MLLT3: variants seen among roughly 807,000 people sequenced by gnomAD.
The protein encoded by MLLT3 is MLLT3 super elongation complex subunit.
Under a neutral mutation model 53.2 loss-of-function variants are expected in MLLT3, and 4 were observed. The observed-to-expected ratio is 0.08, with a 90% CI of 0.04 to 0.17. The LOEUF is 0.17. Among genes scored for constraint, MLLT3 ranks in the 10% least tolerant of loss-of-function variants. The pLI is 1.00. For missense variants in MLLT3, 569 were observed against 684.0 expected (o/e 0.83, Z 1.87); for synonymous variants, 283 against 230.6 (o/e 1.23, Z -2.06).
At chr9:20,379,460 T>C (rs558672889) in intron 5 of MLLT3, among the ~76,000 whole-genome samples, 1 of 152,064 alleles carries the variant, frequency 6.6e-6, no homozygotes, top group Non-Finnish European at 1.5e-5. Flanking sequence ...GGATTCATCA[T>C]CTTGAATTTT....
chr9:20,346,434 G>A lies in MLLT3; in HGVS notation c.*9C>T. On this transcript the variant is annotated 3_prime_UTR_variant, in exon 11 of 11. Transcript: ENST00000380338. ...ACAATAGTTCTTGATGCATCCAGTTGTTATATCCTCAGGATGTTCCAGATG... is the reference window on the plus strand; with the variant it reads ...ACAATAGTTCTTGATGCATCCAGTTATTATATCCTCAGGATGTTCCAGATG... 3 of 1,589,714 alleles carry A rather than the reference G, an allele frequency of 1.9e-6. No individual in the cohort carries two copies. The highest frequency in any genetic ancestry group is 2.6e-6 in the Non-Finnish European group (3 of 1,167,098).
At chr9:20,404,954 G>A (rs1186948989) in intron 5 of MLLT3, among the ~76,000 whole-genome samples, 6 of 152,018 alleles carry the variant, frequency 3.9e-5, no homozygotes, top group Non-Finnish European at 5.9e-5. Flanking sequence ...GATCCTCCAT[G>A]AGCGCAACCT....
chr9:20,448,299 G>GA lies in MLLT3; in HGVS notation c.277-34dup. On this transcript the variant is annotated intron_variant, in intron 3 of 10. Transcript: ENST00000380338. This position sits in a 1 kb window ranked among gnomAD's most constrained non-coding sequence, Gnocchi z 4.0. ...TTAACAAAAATTATGAAAGAAAAAA[G>GA]AGAGTGAGGCATAAGTGAAATTTTA... is the stretch of plus-strand genomic sequence containing the variant. The GA allele has an allele frequency of 6.2e-7, 1 of 1,604,712 alleles. No individual in the cohort carries two copies. The highest frequency in any genetic ancestry group is 1.1e-5 in the South Asian group (1 of 89,272).
At chr9:20,439,568 T>C (rs1308837928) in intron 4 of MLLT3, among the ~76,000 whole-genome samples, 1 of 152,068 alleles carries the variant, frequency 6.6e-6, no homozygotes, top group Non-Finnish European at 1.5e-5. Context: ...GTAAGTTTAA[T>C]TTTGAGAAGC....
At chr9:20,578,462 A>G (rs1819709890) in intron 2 of MLLT3, among the ~76,000 whole-genome samples, 1 of 152,074 alleles carries the variant, frequency 6.6e-6, no homozygotes, top group South Asian at 2.1e-4. Context: ...AGGACTGCTT[A>G]AAGCCAAGAG....
At chr9:20,486,364 A>G (rs935926363) in intron 2 of MLLT3, among the ~76,000 whole-genome samples, 3 of 152,222 alleles carry the variant, frequency 2.0e-5, no homozygotes, top group Non-Finnish European at 2.9e-5. Context: ...ATAAAGTTAT[A>G]TAACTTTACT....
intron 2 of MLLT3, among the ~76,000 whole-genome samples, chr9:20,567,890 G>C (rs1819422461): frequency 6.6e-6 from 1 of 152,050 alleles, no homozygotes; most frequent in Non-Finnish European, 1.5e-5. Flanking sequence ...CATGTTTCAA[G>C]AACTCTTCTC....
rs935364548 is a variant in MLLT3 at position 20,345,063 on chromosome 9, G to T, written c.*1380C>A. The stretch of plus-strand genomic sequence containing the variant: ...GAATAATGACACCAAAAGTACTTTG[G>T]TTTTTTTCTTTTAAAAATAATTTGC... On this transcript the variant is annotated 3_prime_UTR_variant, in exon 11 of 11. Coordinates refer to ENST00000380338, the MANE Select transcript of MLLT3 (RefSeq NM_004529.4). 4.6e-5 allele frequency: 10 copies of T among 216,990 alleles called. No individual in the cohort carries two copies. Among genetic ancestry groups the T allele is most frequent in the Non-Finnish European group, 8.3e-5 (9 of 107,938 alleles). 13.4% of individuals were successfully genotyped at this position (216,990 alleles called of 1,614,324 possible). A position where few individuals can be genotyped will look rare whatever the true frequency, so the allele number is the denominator to read the frequency against.
Position 20,620,556 on chromosome 9 carries a change from C to T in MLLT3, c.193+98G>A. Reference sequence around the variant, plus strand: ...GATCCCGAGGCTACGCCGGCGAGCGCGGCGCGGGGGGCGGGGAGCGGGACA... The same window carrying T: ...GATCCCGAGGCTACGCCGGCGAGCGTGGCGCGGGGGGCGGGGAGCGGGACA... On this transcript the variant is annotated intron_variant, in intron 2 of 10. Coordinates refer to ENST00000380338, the MANE Select transcript of MLLT3 (RefSeq NM_004529.4). The surrounding 1 kb of genome is among the most constrained non-coding windows in gnomAD (Gnocchi z 6.1). The T allele has an allele frequency of 8.8e-7, 1 of 1,130,874 alleles. No homozygotes were observed. Among genetic ancestry groups the T allele is most frequent in the Non-Finnish European group, 1.2e-6 (1 of 852,966 alleles). The allele number at this position is 1,130,874 out of a possible 1,614,324, so 70.1% of individuals were successfully genotyped here.
intron 5 of MLLT3, among the ~76,000 whole-genome samples, chr9:20,381,389 T>C (rs1439694322): frequency 6.6e-6 from 1 of 151,940 alleles, no homozygotes; most frequent in African/African-American, 2.4e-5. Flanking sequence ...ATATTCCAAA[T>C]ATAAAACTCC....
chr9:20,480,706 G>C (rs750756590), intron 2 of MLLT3, among the ~76,000 whole-genome samples: 47 of 152,162 alleles, frequency 3.1e-4, no homozygotes, highest in Admixed American at 1.5e-3. Flanking sequence ...AATATTCATA[G>C]AGCACTAATG....
At chr9:20,462,413 T>C (rs1358660236) in intron 2 of MLLT3, among the ~76,000 whole-genome samples, 2 of 152,210 alleles carry the variant, frequency 1.3e-5, no homozygotes, top group African/African-American at 4.8e-5. Flanking sequence ...AAAATTCAAA[T>C]GCAATTCTAA....
At chr9:20,610,035 G>A (rs1820662461) in intron 2 of MLLT3, among the ~76,000 whole-genome samples, 1 of 152,014 alleles carries the variant, frequency 6.6e-6, no homozygotes, top group Admixed American at 6.6e-5. Flanking sequence ...GACAATTGCA[G>A]AATTTATCCT....
At chr9:20,420,546 T>C (rs1563959197) in intron 4 of MLLT3, among the ~76,000 whole-genome samples, 1 of 152,200 alleles carries the variant, frequency 6.6e-6, no homozygotes, top group Non-Finnish European at 1.5e-5. Context: ...AGGTATTTAA[T>C]AAGAAGATTT....
chr9:20,372,671 G>A (rs556384490), intron 5 of MLLT3, among the ~76,000 whole-genome samples: 1 of 147,124 alleles, frequency 6.8e-6, no homozygotes, highest in African/African-American at 2.5e-5. Flanking sequence ...GCCTCCCAAA[G>A]TGCTGGGATT....
chr9:20,575,745 T>G (rs1431814299), intron 2 of MLLT3, among the ~76,000 whole-genome samples: 1 of 152,204 alleles, frequency 6.6e-6, no homozygotes, highest in East Asian at 1.9e-4. Context: ...TGTAAGTAGA[T>G]GTGCTGTCAT....
At chr9:20,368,904 T>A (rs1821523234) in intron 5 of MLLT3, among the ~76,000 whole-genome samples, 1 of 152,194 alleles carries the variant, frequency 6.6e-6, no homozygotes, top group African/African-American at 2.4e-5. Flanking sequence ...TCCTGAAAGC[T>A]TTTAGTAGTC....
intron 2 of MLLT3, among the ~76,000 whole-genome samples, chr9:20,615,625 A>G (rs1044452679): frequency 1.3e-4 from 19 of 151,940 alleles, no homozygotes; most frequent in African/African-American, 4.3e-4. Flanking sequence ...TAGGCTGAAT[A>G]CTTTCTACCA....
intron 2 of MLLT3, among the ~76,000 whole-genome samples, chr9:20,610,171 C>A (rs1587129659): frequency 6.6e-6 from 1 of 152,096 alleles, no homozygotes; most frequent in East Asian, 1.9e-4. Context: ...AATACTGCTC[C>A]TACCAGTTAC....
Sources: gnomAD v4.1 joint callset for allele counts (sites outside exome capture counted in the v4.1 genomes callset) on GRCh38, gnomAD v4.1.1 for gene constraint, Gnocchi (gnomAD v3.1) non-coding constraint, MANE v1.5 for transcripts, NCBI Gene and HGNC (gene_info 2026-07-23, HGNC 2026-07-21) for gene names.